The following OSBP2 variants were observed in gnomAD, a reference collection of about 807,000 sequenced individuals.
OSBP2 encodes oxysterol-binding protein 2.
A neutral mutation model predicts 96.0 loss-of-function variants in OSBP2; 66 were observed. The observed-to-expected ratio is 0.69, with a 90% CI of 0.56 to 0.84. The LOEUF (loss-of-function observed/expected upper bound fraction) is 0.84. Among genes scored for constraint, OSBP2 ranks in the 40% least tolerant of loss-of-function variants. The probability of loss-of-function intolerance (pLI) is 0.00; values close to 1 mark genes in which losing one functional copy is unlikely to be tolerated. For synonymous variants in OSBP2, 525 were observed against 520.9 expected (o/e 1.01, Z -0.11); for missense variants, 1,038 against 1,222.7 (o/e 0.85, Z 2.25).
intron 2 of OSBP2, among the ~76,000 whole-genome samples, chr22:30,747,701 T>A (rs2090022276): frequency 1.3e-5 from 2 of 152,004 alleles, no homozygotes; most frequent in African/African-American, 4.8e-5. Flanking sequence ...TGGGCTCAGC[T>A]CTGCTTCAGG....
At chr22:30,794,969 G>C (rs952564774) in intron 2 of OSBP2, among the ~76,000 whole-genome samples, 11 of 148,696 alleles carry the variant, frequency 7.4e-5, no homozygotes, top group African/African-American at 2.5e-4. Context: ...GGAGTGCAGT[G>C]GCGCAATCTC....
intron 2 of OSBP2, among the ~76,000 whole-genome samples, chr22:30,762,346 G>A (rs1290504476): frequency 1.3e-5 from 2 of 152,056 alleles, no homozygotes; most frequent in African/African-American, 2.4e-5. Context: ...TCAGGAGATC[G>A]AGACATCCTG....
chr22:30,784,698 C>T (rs188708718), intron 2 of OSBP2, among the ~76,000 whole-genome samples: 3 of 152,200 alleles, frequency 2.0e-5, no homozygotes, highest in African/African-American at 7.2e-5. Flanking sequence ...CTCGTCTTCA[C>T]TGACATTTTA....
At chr22:30,826,540 C>T (rs1914510718) in intron 2 of OSBP2, among the ~76,000 whole-genome samples, 2 of 152,208 alleles carry the variant, frequency 1.3e-5, no homozygotes, top group South Asian at 4.1e-4. Flanking sequence ...CCCCCTCCTT[C>T]GGACCTCTCC....
At chr22:30,828,588 G>A (rs5749171) in intron 2 of OSBP2, among the ~76,000 whole-genome samples, 16,259 of 152,270 alleles carry the variant, frequency 0.11, 979 homozygotes, top group East Asian at 0.23. Context: ...CGAGTGGGCA[G>A]GGATCCCAGC....
chr22:30,704,839 C>T (rs1358903197), intron 1 of OSBP2, among the ~76,000 whole-genome samples: 1 of 152,124 alleles, frequency 6.6e-6, no homozygotes, highest in East Asian at 1.9e-4. Context: ...AGGAAACCTC[C>T]CCAAATTCAA....
chr22:30,786,018 T>TTGTGTGTGTG (rs59686538), intron 2 of OSBP2, among the ~76,000 whole-genome samples: 5,630 of 149,072 alleles, frequency 0.038, 327 homozygotes, highest in African/African-American at 0.13. Flanking sequence ...CTAATACAGT[T>TTGTGTGTGTG]TGTGTGTGTG....
At position 30,882,722 on chromosome 22, in the gene OSBP2, T is replaced by C. The variant is rs117854885; in HGVS notation, c.1108-4704T>C. Among the ~76,000 whole-genome samples the C allele has an allele frequency of 1.1e-4, 17 of 152,312 alleles. No homozygotes were observed. The East Asian group carries it at 3.3e-3, about 29-fold the overall frequency. On this transcript the variant is annotated intron_variant, in intron 3 of 13. Transcript: ENST00000332585. The stretch of plus-strand genomic sequence containing the variant: ...CCCCAGGAGATGAGGCTGGAGAGGA[T>C]TGGAAACCATTTTCTATGAGAGGCT...
chr22:30,816,204 A>C (rs1333710436), intron 2 of OSBP2, among the ~76,000 whole-genome samples: 2 of 152,192 alleles, frequency 1.3e-5, no homozygotes, highest in Non-Finnish European at 2.9e-5. Flanking sequence ...TTTAATAACC[A>C]ACAAAGGAGG....
At position 30,887,584 on chromosome 22, in the gene OSBP2, C is replaced by A. The variant is rs376362279; in HGVS notation, c.1266C>A (p.Gly422=). The A allele has an allele frequency of 6.5e-5, 105 of 1,610,198 alleles. No individual in the cohort carries two copies. Among genetic ancestry groups the A allele is most frequent in the Non-Finnish European group, 7.7e-5 (91 of 1,178,678 alleles). ...SLERAFHSAP[G]RPANPSKSFI... is the part of the protein sequence containing the mutation. Reference sequence around the variant, plus strand: ...AGCGGGCCTTCCACAGTGCCCCTGGCCGGCCGGCCAACCCCTCCAAGAGCT... The same window carrying A: ...AGCGGGCCTTCCACAGTGCCCCTGGACGGCCGGCCAACCCCTCCAAGAGCT... Residue 422 remains glycine (G), a synonymous_variant, in exon 4 of 14, where the codon GGC becomes GGA. Transcript: ENST00000332585.
At chr22:30,702,255 G>A (rs1488890505) in intron 1 of OSBP2, among the ~76,000 whole-genome samples, 2 of 152,186 alleles carry the variant, frequency 1.3e-5, no homozygotes, top group African/African-American at 4.8e-5. Flanking sequence ...CATCCCTGCT[G>A]TGGTGCTAGT....
At chr22:30,868,409 C>T (rs2039389972) in intron 2 of OSBP2, among the ~76,000 whole-genome samples, 1 of 152,380 alleles carries the variant, frequency 6.6e-6, no homozygotes, top group Middle Eastern at 3.4e-3. Context: ...TGGCCCAGCC[C>T]GTGTGGCCTC....
intron 2 of OSBP2, among the ~76,000 whole-genome samples, chr22:30,868,054 C>T (rs2039381569): frequency 6.6e-6 from 1 of 152,242 alleles, no homozygotes; most frequent in African/African-American, 2.4e-5. Flanking sequence ...ACCTCATGGC[C>T]CTGGGCAATT....
chr22:30,827,770 G>A (rs2038434025), intron 2 of OSBP2, among the ~76,000 whole-genome samples: 1 of 152,208 alleles, frequency 6.6e-6, no homozygotes. Context: ...CATTGGAGGA[G>A]TGATGCTCCT....
At chr22:30,825,065 C>T (rs1465555519) in intron 2 of OSBP2, among the ~76,000 whole-genome samples, 3 of 152,162 alleles carry the variant, frequency 2.0e-5, no homozygotes, top group African/African-American at 4.8e-5. Flanking sequence ...CACCCTGCTC[C>T]CAGATCTAAG....
At chr22:30,733,109 T>A (rs980786106) in intron 1 of OSBP2, among the ~76,000 whole-genome samples, 9 of 152,276 alleles carry the variant, frequency 5.9e-5, no homozygotes, top group Middle Eastern at 3.4e-3. Context: ...AGGGGTCTGA[T>A]ATAGTTAGTG....
chr22:30,737,744 G>A (rs2089877620), intron 1 of OSBP2, among the ~76,000 whole-genome samples: 1 of 150,788 alleles, frequency 6.6e-6, no homozygotes, highest in East Asian at 2.0e-4. Context: ...ATGGAGTCTC[G>A]CTCTGTTGCC....
intron 2 of OSBP2, among the ~76,000 whole-genome samples, chr22:30,757,098 A>G (rs953715481): frequency 6.6e-6 from 1 of 152,058 alleles, no homozygotes; most frequent in Non-Finnish European, 1.5e-5. Context: ...GCTGGCCTTG[A>G]TCAGTACCTG....
At chr22:30,905,183 T>G (rs1311213479) in intron 12 of OSBP2, among the ~76,000 whole-genome samples, 4 of 125,318 alleles carry the variant, frequency 3.2e-5, no homozygotes, top group Non-Finnish European at 6.4e-5. Flanking sequence ...CCTCGAACTG[T>G]CGCCCAGGCT....
Sources: gnomAD v4.1 joint callset for allele counts (sites outside exome capture counted in the v4.1 genomes callset) on GRCh38, gnomAD v4.1.1 for gene constraint, MANE v1.5 for transcripts, NCBI Gene and HGNC (gene_info 2026-07-23, HGNC 2026-07-21) for gene names.